The following SLC71A2 variants were observed in gnomAD, a reference collection of about 807,000 sequenced individuals.
SLC71A2 encodes solute carrier family 71 member 2.
chr9:94,408,624 TATC>T, the SLC71A2 span, among the ~76,000 whole-genome samples: 1 of 151,672 alleles, frequency 6.6e-6, no homozygotes, highest in Non-Finnish European at 1.5e-5. Context: ...TTGTTTCATT[TATC>T]CAGTTTGTTG....
At chr9:94,386,929 CT>C in the SLC71A2 span, among the ~76,000 whole-genome samples, 1 of 151,862 alleles carries the variant, frequency 6.6e-6, no homozygotes, top group Admixed American at 6.6e-5. Flanking sequence ...GCTTTTCAGA[CT>C]TTTTTTTCTA....
chr9:94,427,098 T>G, the SLC71A2 span, among the ~76,000 whole-genome samples: 1 of 152,260 alleles, frequency 6.6e-6, no homozygotes, highest in African/African-American at 2.4e-5. Flanking sequence ...TTTACTTTAT[T>G]CTGATAACAT....
At chr9:94,454,329 C>G in the SLC71A2 span, among the ~76,000 whole-genome samples, 3 of 152,090 alleles carry the variant, frequency 2.0e-5, no homozygotes, top group African/African-American at 4.8e-5. Flanking sequence ...CTCCAGCCCC[C>G]AAATAAAGTT....
At chr9:94,456,487 A>G in the SLC71A2 span, 1 of 609,310 alleles carries the variant, frequency 1.6e-6, no homozygotes, top group Non-Finnish European at 3.0e-6. Flanking sequence ...GCAGATAGGA[A>G]CATTCTATTT....
At chr9:94,438,453 G>A in the SLC71A2 span, 1 of 1,613,974 alleles carries the variant, frequency 6.2e-7, no homozygotes, top group Non-Finnish European at 8.5e-7. Context: ...TCTGATGTGT[G>A]GGGGAGGAAG....
At chr9:94,407,094 TTTTCTTAGC>T in the SLC71A2 span, among the ~76,000 whole-genome samples, 1 of 149,136 alleles carries the variant, frequency 6.7e-6, no homozygotes, top group Non-Finnish European at 1.5e-5. Context: ...AATTTTATTC[TTTTCTTAGC>T]TTTCTAAGTG....
At chr9:94,399,183 C>T in the SLC71A2 span, among the ~76,000 whole-genome samples, 1,980 of 152,208 alleles carry the variant, frequency 0.013, 46 homozygotes, top group African/African-American at 0.045. Context: ...TTTTGGGGGC[C>T]TGAGTTAGTG....
At chr9:94,384,754 T>C in the SLC71A2 span, among the ~76,000 whole-genome samples, 1 of 152,174 alleles carries the variant, frequency 6.6e-6, no homozygotes, top group Non-Finnish European at 1.5e-5. Context: ...ATGTCTCACT[T>C]TGAAACTTAA....
At chr9:94,420,626 C>T in the SLC71A2 span, among the ~76,000 whole-genome samples, 14 of 148,566 alleles carry the variant, frequency 9.4e-5, no homozygotes, top group Admixed American at 6.1e-4. Flanking sequence ...CAAGGCCAGG[C>T]GTGGTGGCTC....
At chr9:94,384,336 C>CTTT in the SLC71A2 span, among the ~76,000 whole-genome samples, 4 of 133,284 alleles carry the variant, frequency 3.0e-5, no homozygotes, top group Admixed American at 7.8e-5. Flanking sequence ...TCAAATTTTC[C>CTTT]TTTTTTTTTT....
At chr9:94,384,750 C>G in the SLC71A2 span, among the ~76,000 whole-genome samples, 1 of 152,064 alleles carries the variant, frequency 6.6e-6, no homozygotes, top group Non-Finnish European at 1.5e-5. Flanking sequence ...GCGAATGTCT[C>G]ACTTTGAAAC....
chr9:94,458,511 T>C, the SLC71A2 span: 9 of 1,569,950 alleles, frequency 5.7e-6, no homozygotes, highest in Non-Finnish European at 8.7e-7. Context: ...TATGTATGAT[T>C]ATAGCAAAAT....
chr9:94,458,620 G>A, the SLC71A2 span, among the ~76,000 whole-genome samples: 12 of 152,074 alleles, frequency 7.9e-5, no homozygotes, highest in Non-Finnish European at 1.8e-4. Context: ...GGATCAGGGA[G>A]GGGTCATTTT....
chr9:94,400,473 A>G, the SLC71A2 span, among the ~76,000 whole-genome samples: 38 of 147,524 alleles, frequency 2.6e-4, no homozygotes, highest in African/African-American at 8.4e-4. Context: ...AGCCAGTTTC[A>G]TTTATGCGCA....
chr9:94,452,808 A>G, the SLC71A2 span, among the ~76,000 whole-genome samples: 1 of 150,790 alleles, frequency 6.6e-6, no homozygotes, highest in African/African-American at 2.4e-5. Flanking sequence ...CCATTTCCCT[A>G]TCTATTGTAA....
chr9:94,375,018 G>C, the SLC71A2 span: 1 of 836,698 alleles, frequency 1.2e-6, no homozygotes, highest in Non-Finnish European at 1.6e-6. Context: ...CTCCGGGCAG[G>C]GGCTTCGGCT....
At chr9:94,451,412 TATA>T in the SLC71A2 span, 1 of 925,828 alleles carries the variant, frequency 1.1e-6, no homozygotes, top group African/African-American at 1.8e-5. Flanking sequence ...CTTATTATTT[TATA>T]ATATCTATAT....
chr9:94,455,342 G>GATTTTTTT, the SLC71A2 span, among the ~76,000 whole-genome samples: 1 of 102,910 alleles, frequency 9.7e-6, no homozygotes, highest in African/African-American at 4.1e-5. Flanking sequence ...CTAATATTTT[G>GATTTTTTT]ATTTTTTTTT....
At chr9:94,404,386 C>G in the SLC71A2 span, among the ~76,000 whole-genome samples, 1 of 151,996 alleles carries the variant, frequency 6.6e-6, no homozygotes, top group African/African-American at 2.4e-5. Flanking sequence ...AACTCCGCCT[C>G]CCGGATTCAA....
Sources: gnomAD v4.1 joint callset for allele counts (sites outside exome capture counted in the v4.1 genomes callset) on GRCh38, gnomAD v4.1.1 for gene constraint, MANE v1.5 for transcripts, NCBI Gene and HGNC (gene_info 2026-07-23, HGNC 2026-07-21) for gene names.